KLHL29: variants seen among roughly 807,000 people sequenced by gnomAD.
KLHL29 encodes the protein kelch-like protein 29.
A neutral mutation model predicts 80.4 loss-of-function variants in KLHL29; 21 were observed. The ratio of observed to expected loss-of-function variants is 0.26; its 90% CI spans 0.19 to 0.38. KLHL29 has a LOEUF of 0.38. Ranked by LOEUF, KLHL29 falls within the 10% of genes least tolerant of loss-of-function variation. The pLI is 1.00. For missense variants in KLHL29, 867 were observed against 1,223.9 expected, an observed-to-expected ratio of 0.71 and a Z score of 4.35; for synonymous variants, 511 against 526.8, an observed-to-expected ratio of 0.97 and a Z score of 0.41.
intron 3 of KLHL29, among the ~76,000 whole-genome samples, chr2:23,567,630 G>A (rs1293203678): frequency 6.6e-6 from 1 of 152,232 alleles, no homozygotes; most frequent in Non-Finnish European, 1.5e-5. Flanking sequence ...TTTCCGTGGG[G>A]ATCATGTGAG....
chr2:23,539,614 T>C (rs1385696646), intron 2 of KLHL29, among the ~76,000 whole-genome samples: 1 of 151,844 alleles, frequency 6.6e-6, no homozygotes, highest in African/African-American at 2.4e-5. Context: ...CTGATTTTTG[T>C]ATTTTTTTTA....
At chr2:23,471,699 T>A (rs1664499939) in intron 1 of KLHL29, among the ~76,000 whole-genome samples, 1 of 152,160 alleles carries the variant, frequency 6.6e-6, no homozygotes, top group Non-Finnish European at 1.5e-5. Flanking sequence ...TAGGCTGCCG[T>A]TTGATGAAAT....
chr2:23,584,214 G>C (rs1016016797), intron 3 of KLHL29, among the ~76,000 whole-genome samples: 2 of 152,182 alleles, frequency 1.3e-5, no homozygotes, highest in African/African-American at 4.8e-5. Context: ...CCTGGGCCTG[G>C]GTATGAAATT....
intron 2 of KLHL29, chr2:23,532,579 A>G (rs1666526055): frequency 2.2e-6 from 1 of 456,750 alleles, no homozygotes; most frequent in Non-Finnish European, 4.4e-6. Context: ...CTTTGAAGCT[A>G]AAACACTTCC....
At chr2:23,516,058 G>T (rs1309320796) in intron 2 of KLHL29, among the ~76,000 whole-genome samples, 2 of 152,222 alleles carry the variant, frequency 1.3e-5, no homozygotes, top group Non-Finnish European at 2.9e-5. Flanking sequence ...TGCTGAGCTG[G>T]ACAGCAGGGT....
At chr2:23,443,613 C>T (rs948804423) in intron 1 of KLHL29, among the ~76,000 whole-genome samples, 1 of 152,152 alleles carries the variant, frequency 6.6e-6, no homozygotes, top group African/African-American at 2.4e-5. Flanking sequence ...TTCTTCTATC[C>T]CCTGTATCTC....
At chr2:23,519,478 C>T (rs945482279) in intron 2 of KLHL29, among the ~76,000 whole-genome samples, 1 of 152,192 alleles carries the variant, frequency 6.6e-6, no homozygotes, top group Non-Finnish European at 1.5e-5. Context: ...TGGCCAGCCC[C>T]GCAGCAGAAT....
chr2:23,467,749 G>A (rs181653682), intron 1 of KLHL29, among the ~76,000 whole-genome samples: 8 of 152,226 alleles, frequency 5.3e-5, no homozygotes, highest in African/African-American at 1.4e-4. Context: ...GGCTGCAGGC[G>A]GGATGGGAAC....
intron 2 of KLHL29, chr2:23,524,177 C>CT: frequency 2.5e-6 from 1 of 398,930 alleles, no homozygotes; most frequent in East Asian, 7.2e-5. Flanking sequence ...GGATGACTTG[C>CT]TCAGTGCTGT....
chr2:23,613,242 G>A (rs771016392), intron 3 of KLHL29, among the ~76,000 whole-genome samples: 3 of 152,108 alleles, frequency 2.0e-5, no homozygotes, highest in East Asian at 1.9e-4. Flanking sequence ...TACATCAAAT[G>A]TATATGCTCT....
At chr2:23,398,360 C>T (rs990351391) in intron 1 of KLHL29, among the ~76,000 whole-genome samples, 8 of 152,190 alleles carry the variant, frequency 5.3e-5, no homozygotes, top group African/African-American at 9.7e-5. Context: ...AAGCCAGTCA[C>T]GAAAGGACCA....
At chr2:23,627,102 GT>G (rs1669334940) in intron 3 of KLHL29, among the ~76,000 whole-genome samples, 1 of 152,168 alleles carries the variant, frequency 6.6e-6, no homozygotes, top group Admixed American at 6.5e-5. Context: ...CAAGAGGGCT[GT>G]TTCTGTGTCC....
At chr2:23,536,302 C>T (rs1195673442) in intron 2 of KLHL29, among the ~76,000 whole-genome samples, 1 of 152,154 alleles carries the variant, frequency 6.6e-6, no homozygotes, top group South Asian at 2.1e-4. Context: ...ATTGGGGTGA[C>T]CCCATCCTCA....
Position 23,457,333 on chromosome 2 carries a change from G to A in KLHL29, c.-153-18227G>A, listed in dbSNP as rs1664084238. ...AAGGCAGGCCTTTCCTGTGAGAAGTGGTGGCTTTGAGCTGTGGGGACCTAG... is the reference window on the plus strand; with the variant it reads ...AAGGCAGGCCTTTCCTGTGAGAAGTAGTGGCTTTGAGCTGTGGGGACCTAG... On this transcript the variant is annotated intron_variant, in intron 1 of 13. Transcript: ENST00000486442. The surrounding 1 kb of genome is among the most constrained non-coding windows in gnomAD (Gnocchi z 4.3). Among the ~76,000 whole-genome samples, 1 of 152,202 alleles carries A rather than the reference G, an allele frequency of 6.6e-6. No individual in the cohort carries two copies. Among genetic ancestry groups the A allele is most frequent in the African/African-American group, 2.4e-5 (1 of 41,456 alleles).
intron 2 of KLHL29, among the ~76,000 whole-genome samples, chr2:23,511,077 G>A (rs1665758529): frequency 6.6e-6 from 1 of 152,174 alleles, no homozygotes; most frequent in Admixed American, 6.5e-5. Flanking sequence ...GAGCTTAGAA[G>A]TCCAAGATGA....
intron 7 of KLHL29, 57 bp downstream of exon 7, chr2:23,691,933 C>T: frequency 6.7e-7 from 1 of 1,495,678 alleles, no homozygotes; most frequent in South Asian, 1.2e-5. Flanking sequence ...GGGCGGAGAA[C>T]TCCATAAACA....
At chr2:23,673,785 C>T (rs1558434448) in intron 5 of KLHL29, among the ~76,000 whole-genome samples, 1 of 152,066 alleles carries the variant, frequency 6.6e-6, no homozygotes, top group Non-Finnish European at 1.5e-5. Flanking sequence ...CTCACATACA[C>T]ATACATTAGC....
chr2:23,642,240 C>G (rs1669788460), intron 4 of KLHL29, 98 bp from the exon 5 acceptor site: 7 of 1,162,992 alleles, frequency 6.0e-6, no homozygotes, highest in Non-Finnish European at 7.9e-6. Flanking sequence ...GTCTCGTTCC[C>G]CTCTGTGACC....
intron 2 of KLHL29, among the ~76,000 whole-genome samples, chr2:23,510,023 C>T (rs934366): frequency 0.14 from 21,227 of 151,998 alleles, 2,184 homozygotes; most frequent in East Asian, 0.56. Flanking sequence ...ATTATGGTCC[C>T]GGCAGAGTTA....
Sources: gnomAD v4.1 joint callset for allele counts (sites outside exome capture counted in the v4.1 genomes callset) on GRCh38, gnomAD v4.1.1 for gene constraint, Gnocchi (gnomAD v3.1) non-coding constraint, MANE v1.5 for transcripts, NCBI Gene and HGNC (gene_info 2026-07-23, HGNC 2026-07-21) for gene names.